The following EVI5 variants were observed in gnomAD, a reference collection of about 807,000 sequenced individuals.
The protein encoded by EVI5 is ecotropic viral integration site 5.
A neutral mutation model predicts 112.0 loss-of-function variants in EVI5; 73 were observed. The ratio of observed to expected loss-of-function variants is 0.65; its 90% CI spans 0.54 to 0.79. The LOEUF is 0.79. Ranked by LOEUF, EVI5 falls within the 30% of genes least tolerant of loss-of-function variation. The pLI, the probability that EVI5 is intolerant of heterozygous loss-of-function variation, is 0.00. For synonymous variants in EVI5, 305 were observed against 319.9 expected, an observed-to-expected ratio of 0.95 and a Z score of 0.50; for missense variants, 900 against 968.8, an observed-to-expected ratio of 0.93 and a Z score of 0.94.
intron 1 of EVI5, among the ~76,000 whole-genome samples, chr1:92,776,635 CTTTT>C (rs770829382): frequency 1.5e-5 from 2 of 137,700 alleles, no homozygotes; most frequent in East Asian, 2.1e-4. Context: ...ACCATCATGA[CTTTT>C]TTTTTTTTTT....
chr1:92,582,051 A>C (rs1672025695), intron 18 of EVI5, among the ~76,000 whole-genome samples: 1 of 152,236 alleles, frequency 6.6e-6, no homozygotes, highest in Admixed American at 6.5e-5. Context: ...TGAACACCGT[A>C]GGGTGTATTT....
intron 1 of EVI5, chr1:92,749,249 T>TA (rs1376265655): frequency 2.9e-6 from 1 of 346,330 alleles, no homozygotes; most frequent in Non-Finnish European, 5.8e-6. Flanking sequence ...CTGGGTGTTT[T>TA]ACCACTGGTG....
chr1:92,762,053 A>G (rs1188110023), intron 1 of EVI5, among the ~76,000 whole-genome samples: 1 of 152,244 alleles, frequency 6.6e-6, no homozygotes, highest in Non-Finnish European at 1.5e-5. Context: ...GAGAGATGGA[A>G]GTTGCAAAGA....
At chr1:92,677,447 A>G (rs1324882397) in intron 9 of EVI5, among the ~76,000 whole-genome samples, 1 of 152,220 alleles carries the variant, frequency 6.6e-6, no homozygotes, top group Non-Finnish European at 1.5e-5. Context: ...GAAAATTTAC[A>G]AACTGAAATG....
chr1:92,743,830 T>G (rs931263092), intron 1 of EVI5, among the ~76,000 whole-genome samples: 1 of 152,194 alleles, frequency 6.6e-6, no homozygotes, highest in African/African-American at 2.4e-5. Flanking sequence ...ATTTTGTAAT[T>G]GTTTTCCTGT....
chr1:92,778,168 A>C (rs1404031955), intron 1 of EVI5, among the ~76,000 whole-genome samples: 1 of 152,118 alleles, frequency 6.6e-6, no homozygotes, highest in African/African-American at 2.4e-5. Flanking sequence ...CAGCCTCCCA[A>C]AGGGCTGGGA....
intron 9 of EVI5, among the ~76,000 whole-genome samples, chr1:92,683,596 A>G (rs1305631179): frequency 6.6e-6 from 1 of 152,192 alleles, no homozygotes; most frequent in African/African-American, 2.4e-5. Context: ...AAGGTAGGTA[A>G]TAACAAACTT....
intron 18 of EVI5, among the ~76,000 whole-genome samples, chr1:92,598,351 G>T (rs1648386402): frequency 6.6e-6 from 1 of 151,958 alleles, no homozygotes; most frequent in Non-Finnish European, 1.5e-5. Flanking sequence ...CCCATGACAT[G>T]TGTTTATCTA....
chr1:92,779,207 C>T (rs1450664171), intron 1 of EVI5, among the ~76,000 whole-genome samples: 1 of 152,040 alleles, frequency 6.6e-6, no homozygotes, highest in Non-Finnish European at 1.5e-5. Context: ...AAAAAAGTAA[C>T]TTGGAAGAAA....
chr1:92,595,370 A>T (rs1373931815), intron 18 of EVI5, among the ~76,000 whole-genome samples: 1 of 151,664 alleles, frequency 6.6e-6, no homozygotes, highest in Non-Finnish European at 1.5e-5. Context: ...AACAATGAGA[A>T]CACACGGACA....
intron 5 of EVI5, among the ~76,000 whole-genome samples, chr1:92,698,396 T>A (rs1346968659): frequency 6.6e-6 from 1 of 152,118 alleles, no homozygotes; most frequent in African/African-American, 2.4e-5. Context: ...TGGTGATGGA[T>A]GCTACAGAAA....
chr1:92,689,663 G>A (rs4847266), intron 9 of EVI5, among the ~76,000 whole-genome samples: 140,257 of 152,248 alleles, frequency 0.92, 64,695 homozygotes, highest in East Asian at 0.97. Flanking sequence ...ACCACTGCAC[G>A]TGGCCACAAT....
intron 13 of EVI5, among the ~76,000 whole-genome samples, chr1:92,638,292 T>A (rs1659286473): frequency 6.6e-6 from 1 of 152,218 alleles, no homozygotes; most frequent in African/African-American, 2.4e-5. Flanking sequence ...AGAGCTGAAA[T>A]GCTCTGATAA....
intron 9 of EVI5, among the ~76,000 whole-genome samples, chr1:92,684,623 T>TCAAGA (rs1265518069): frequency 6.6e-6 from 1 of 150,720 alleles, no homozygotes. Context: ...AGATAAAGAG[T>TCAAGA]CAAGACCCAT....
At position 92,732,978 on chromosome 1, in the gene EVI5, C is replaced by T. The variant is rs144182954; in HGVS notation, c.149+3420G>A. The T allele has an allele frequency of 7.7e-3, 1,155 of 149,892 alleles. 10 individuals are homozygous for T. Among genetic ancestry groups the T allele is most frequent in the Admixed American group, 0.013 (198 of 14,868 alleles). 9.3% of individuals were successfully genotyped at this position (149,892 alleles called of 1,614,324 possible). A position where few individuals can be genotyped will look rare whatever the true frequency, so the allele number is the denominator to read the frequency against. On this transcript the variant is annotated intron_variant, in intron 2 of 19. Transcript: ENST00000684568. ...CTGTAATCCTGACATGTTGGGAGGCCGAGGCAGGAGGATCACTTGAGACCA... is the reference window on the plus strand; with the variant it reads ...CTGTAATCCTGACATGTTGGGAGGCTGAGGCAGGAGGATCACTTGAGACCA...
intron 13 of EVI5, among the ~76,000 whole-genome samples, chr1:92,639,948 TGAGAAA>T (rs1279571171): frequency 1.3e-5 from 2 of 152,130 alleles, no homozygotes; most frequent in African/African-American, 4.8e-5. Context: ...AACAGAGACC[TGAGAAA>T]TAACACCGTA....
chr1:92,535,620 G>T (rs1477283997), intron 19 of EVI5, among the ~76,000 whole-genome samples: 1 of 152,124 alleles, frequency 6.6e-6, no homozygotes, highest in African/African-American at 2.4e-5. Flanking sequence ...GATATGGATG[G>T]AGTTGGAAAC....
At chr1:92,664,485 T>TAAA (rs59296856) in intron 11 of EVI5, among the ~76,000 whole-genome samples, 101,344 of 143,866 alleles carry the variant, frequency 0.7, 36,305 homozygotes, top group East Asian at 0.93. Context: ...TCCAAAGATT[T>TAAA]AAAAAAAAAA....
At chr1:92,730,574 C>A (rs1182027180) in intron 2 of EVI5, among the ~76,000 whole-genome samples, 1 of 148,556 alleles carries the variant, frequency 6.7e-6, no homozygotes, top group Non-Finnish European at 1.5e-5. Flanking sequence ...TCTAGCTACT[C>A]AGGAGGCTGA....
Sources: allele counts gnomAD v4.1 joint callset (sites outside exome capture counted in the v4.1 genomes callset), GRCh38; gene constraint gnomAD v4.1.1; transcripts MANE v1.5; gene names NCBI Gene and HGNC (gene_info 2026-07-23, HGNC 2026-07-21).